The following WNT3 variants were observed in gnomAD, a reference collection of about 807,000 sequenced individuals.
WNT3 encodes the protein Wnt family member 3.
A neutral mutation model predicts 34.2 loss-of-function variants in WNT3; 7 were observed. The ratio of observed to expected loss-of-function variants is 0.20; its 90% CI spans 0.12 to 0.38. WNT3 has a LOEUF of 0.38. WNT3 is among the 10% of genes least tolerant of loss of function. The pLI is 1.00. For missense variants in WNT3, 267 were observed against 499.8 expected, an observed-to-expected ratio of 0.53 and a Z score of 4.44; for synonymous variants, 212 against 211.5, an observed-to-expected ratio of 1.00 and a Z score of -0.02.
At chr17:46,792,894 G>C (rs1568087520) in intron 1 of WNT3, among the ~76,000 whole-genome samples, 1 of 152,068 alleles carries the variant, frequency 6.6e-6, no homozygotes, top group East Asian at 1.9e-4. Flanking sequence ...TTTAACGGAT[G>C]ATGACATGGG....
intron 4 of WNT3, among the ~76,000 whole-genome samples, chr17:46,767,487 G>A (rs754179144): frequency 9.9e-5 from 15 of 152,190 alleles, no homozygotes; most frequent in Non-Finnish European, 1.5e-4. Flanking sequence ...CTCAGGGGTA[G>A]AGGAGACATT....
chr17:46,771,026 C>G (rs1377837923), intron 2 of WNT3, among the ~76,000 whole-genome samples: 1 of 152,218 alleles, frequency 6.6e-6, no homozygotes, highest in African/African-American at 2.4e-5. Context: ...ATAAATGTGA[C>G]CAAATTTATT....
At chr17:46,810,150 G>A (rs2084254719) in intron 1 of WNT3, among the ~76,000 whole-genome samples, 1 of 151,830 alleles carries the variant, frequency 6.6e-6, no homozygotes, top group South Asian at 2.1e-4. Context: ...GGGATTACAG[G>A]CTCCCACCAC....
chr17:46,811,101 G>C (rs1461641592), intron 1 of WNT3, among the ~76,000 whole-genome samples: 1 of 152,108 alleles, frequency 6.6e-6, no homozygotes. Context: ...ACTCCTCCCG[G>C]CTGTACAGGC....
At chr17:46,788,853 G>A (rs752448543) in intron 1 of WNT3, among the ~76,000 whole-genome samples, 33 of 152,124 alleles carry the variant, frequency 2.2e-4, no homozygotes, top group Non-Finnish European at 3.8e-4. Context: ...TCTCCACGGC[G>A]AGCTGAGGGC....
chr17:46,797,968 C>T (rs952555726), intron 1 of WNT3, among the ~76,000 whole-genome samples: 1 of 152,142 alleles, frequency 6.6e-6, no homozygotes, highest in East Asian at 1.9e-4. Flanking sequence ...GAGACAGGGT[C>T]TCCAGGCTGG....
chr17:46,779,557 C>T (rs74736480), intron 1 of WNT3, among the ~76,000 whole-genome samples: 1,685 of 152,302 alleles, frequency 0.011, 44 homozygotes, highest in African/African-American at 0.035. Flanking sequence ...TGCGGGTGCC[C>T]TGCACAACAG....
At chr17:46,767,829 G>A (rs1045708629) in intron 4 of WNT3, among the ~76,000 whole-genome samples, 1 of 152,070 alleles carries the variant, frequency 6.6e-6, no homozygotes, top group African/African-American at 2.4e-5. Context: ...CTGTCGCCCA[G>A]GCTGGATGGA....
In WNT3 at chr17:46,768,629, T is replaced by G. The variant is rs1311166541; in HGVS notation, c.759A>C (p.Arg253=). ...EMVVEKHRES[R]GWVETLRAKY... The stretch of plus-strand genomic sequence containing the variant: ...TGGCCCGGAGGGTCTCCACCCAGCC[T>G]CGGGACTCACGGTGCTTCTCTACTA... Residue 253 remains arginine, a synonymous_variant, in exon 4 of 5, where the codon CGA becomes CGC. Transcript: ENST00000225512. The surrounding 1 kb of genome is among the most constrained non-coding windows in gnomAD (Gnocchi z 5.0). 1.9e-6 allele frequency: 3 copies of G among 1,614,010 alleles called. No individual in the cohort carries two copies. Among genetic ancestry groups the G allele is most frequent in the Admixed American group, 1.7e-5 (1 of 60,004 alleles).
At chr17:46,765,403 A>G (rs1006646136) in intron 4 of WNT3, among the ~76,000 whole-genome samples, 11 of 152,254 alleles carry the variant, frequency 7.2e-5, no homozygotes, top group African/African-American at 2.4e-4. Context: ...CACCAAATCA[A>G]TGGTTAGCCA....
intron 1 of WNT3, among the ~76,000 whole-genome samples, chr17:46,816,555 C>A (rs953621989): frequency 3.9e-5 from 6 of 151,938 alleles, no homozygotes; most frequent in Admixed American, 1.3e-4. Flanking sequence ...TTCCTGTCCC[C>A]CACCAAATTC....
intron 1 of WNT3, 85 bp from the exon 2 acceptor site, chr17:46,773,994 G>T (rs1014199948): frequency 7.8e-6 from 12 of 1,538,160 alleles, no homozygotes; most frequent in Non-Finnish European, 1.0e-5. Context: ...TGAACCCTCC[G>T]GGGTAGGTGG....
At chr17:46,766,745 T>A (rs1457689176) in intron 4 of WNT3, among the ~76,000 whole-genome samples, 4 of 152,140 alleles carry the variant, frequency 2.6e-5, no homozygotes, top group East Asian at 1.9e-4. Context: ...CTACTCCCTA[T>A]GGCACAGACA....
At chr17:46,766,392 G>A (rs1239444018) in intron 4 of WNT3, among the ~76,000 whole-genome samples, 9 of 150,990 alleles carry the variant, frequency 6.0e-5, no homozygotes, top group African/African-American at 1.7e-4. Context: ...GGGCGACAAA[G>A]AGAGACTCAG....
At chr17:46,779,103 A>ACACACACACACACACACACACACACC (rs749719578) in intron 1 of WNT3, among the ~76,000 whole-genome samples, 11 of 133,662 alleles carry the variant, frequency 8.2e-5, no homozygotes, top group East Asian at 5.1e-4. Flanking sequence ...ACACACACAC[A>ACACACACACACACACACACACACACC]CCCCAGCCCA....
chr17:46,818,133 A>C (rs2084376720), intron 1 of WNT3, among the ~76,000 whole-genome samples: 2 of 151,954 alleles, frequency 1.3e-5, no homozygotes, highest in African/African-American at 2.4e-5. Flanking sequence ...GAAGACCCCA[A>C]AATGGAGAAG....
chr17:46,779,101 A>ACACACACACACACACACACC (rs1555683652), intron 1 of WNT3, among the ~76,000 whole-genome samples: 2 of 139,976 alleles, frequency 1.4e-5, no homozygotes, highest in Non-Finnish European at 3.0e-5. Flanking sequence ...ACACACACAC[A>ACACACACACACACACACACC]CACCCCAGCC....
chr17:46,816,469 ACACACG>A (rs1024138837), intron 1 of WNT3, among the ~76,000 whole-genome samples: 1 of 77,402 alleles, frequency 1.3e-5, no homozygotes, highest in African/African-American at 7.2e-5. Context: ...TAGACCCAGA[ACACACG>A]CACACACACA....
intron 4 of WNT3, among the ~76,000 whole-genome samples, chr17:46,766,589 T>A (rs914707324): frequency 6.6e-6 from 1 of 152,186 alleles, no homozygotes; most frequent in South Asian, 2.1e-4. Flanking sequence ...ACCTGCTGCC[T>A]TTCTGGACTG....
Sources: allele counts gnomAD v4.1 joint callset (sites outside exome capture counted in the v4.1 genomes callset), GRCh38; gene constraint gnomAD v4.1.1; non-coding constraint Gnocchi (gnomAD v3.1); transcripts MANE v1.5; gene names NCBI Gene and HGNC (gene_info 2026-07-23, HGNC 2026-07-21).